The following FZD6 variants were observed in gnomAD, a reference collection of about 807,000 sequenced individuals.
FZD6 encodes frizzled-6.
A neutral mutation model predicts 61.4 loss-of-function variants in FZD6; 49 were observed. The observed-to-expected ratio is 0.80, with a 90% CI of 0.63 to 1.01. The LOEUF is 1.01. Ranked by LOEUF, FZD6 falls within the 50% of genes least tolerant of loss-of-function variation. The pLI is 0.00. For missense variants in FZD6, 724 were observed against 848.2 expected (o/e 0.85, Z 1.82); for synonymous variants, 265 against 292.2 (o/e 0.91, Z 0.95).
intron 3 of FZD6, 41 bp downstream of exon 3, chr8:103,318,827 A>G: frequency 9.6e-7 from 1 of 1,039,680 alleles, no homozygotes; most frequent in South Asian, 1.3e-5. Context: ...ATGGTATTTT[A>G]CTACTGGTAC....
chr8:103,322,627 T>A (rs950355361), intron 3 of FZD6, among the ~76,000 whole-genome samples: 8 of 152,222 alleles, frequency 5.3e-5, no homozygotes, highest in Admixed American at 5.2e-4. Flanking sequence ...TGGAGGCTGC[T>A]AATTTATTCT....
intron 2 of FZD6, among the ~76,000 whole-genome samples, chr8:103,302,883 A>G (rs1216364131): frequency 6.6e-6 from 1 of 152,126 alleles, no homozygotes; most frequent in Non-Finnish European, 1.5e-5. Flanking sequence ...ACTTAAGCCC[A>G]AGAGTTGGAG....
chr8:103,319,785 A>T (rs1226117930), intron 3 of FZD6, among the ~76,000 whole-genome samples: 3 of 152,204 alleles, frequency 2.0e-5, no homozygotes, highest in African/African-American at 4.8e-5. Context: ...CAAAAAGAAC[A>T]TTACCTTATG....
chr8:103,328,478 C>G (rs986984225), intron 5 of FZD6, 62 bp downstream of exon 5: 1 of 1,241,988 alleles, frequency 8.1e-7, no homozygotes, highest in Non-Finnish European at 1.2e-6. Flanking sequence ...TACCAAGGAA[C>G]TGTTCAAATC....
At chr8:103,309,104 G>T (rs1264252685) in intron 2 of FZD6, among the ~76,000 whole-genome samples, 2 of 152,176 alleles carry the variant, frequency 1.3e-5, no homozygotes, top group African/African-American at 4.8e-5. Flanking sequence ...AGAATCATCT[G>T]AAGGACTTGT....
chr8:103,324,932 G>A lies in FZD6; in HGVS notation c.826G>A (p.Gly276Ser). 6.2e-7 allele frequency: 1 copy of A among 1,614,100 alleles called. No individual in the cohort carries two copies. Among genetic ancestry groups the A allele is most frequent in the African/African-American group, 1.3e-5 (1 of 75,042 alleles). The change falls in exon 4 of 7, where the codon GGC (glycine) becomes AGC (serine). Residue 276 changes from glycine (G) to serine (S), a missense_variant. Physicochemically the swap from Gly to Ser is moderately conservative, Grantham distance 56. Coordinates refer to ENST00000358755, the MANE Select transcript of FZD6 (RefSeq NM_003506.4). ...KLELGDTVVL[G>S]SQNKACTVLF... The stretch of plus-strand genomic sequence containing the variant: ...AGAACTTGGTGACACTGTTGTCCTA[G>A]GCTCTCAAAATAAGGCTTGCACCGT...
At chr8:103,304,179 T>C (rs1814263477) in intron 2 of FZD6, among the ~76,000 whole-genome samples, 1 of 152,230 alleles carries the variant, frequency 6.6e-6, no homozygotes, top group Non-Finnish European at 1.5e-5. Context: ...CAATGAATTG[T>C]ACTCTCTTAG....
rs1288019235 is a variant in FZD6, at chr8:103,331,847, T to TA, written c.*342dup. On this transcript the variant is annotated 3_prime_UTR_variant, in exon 7 of 7. Transcript: ENST00000358755. ...ACTATGCTATTTTACTTTTTTGATATAAAATCAAGATATTTCTTTGCTGAA... is the reference window on the plus strand; with the variant it reads ...ACTATGCTATTTTACTTTTTTGATATAAAAATCAAGATATTTCTTTGCTGAA... 2.7e-5 allele frequency: 6 copies of TA among 222,898 alleles called. No homozygotes were observed. The highest frequency in any genetic ancestry group is 4.5e-5 in the Non-Finnish European group (5 of 111,170). 13.8% of individuals were successfully genotyped at this position (222,898 alleles called of 1,614,324 possible). A position where few individuals can be genotyped will look rare whatever the true frequency, so the allele number is the denominator to read the frequency against.
chr8:103,309,903 A>G (rs935348107), intron 2 of FZD6, among the ~76,000 whole-genome samples: 4 of 152,182 alleles, frequency 2.6e-5, no homozygotes, highest in South Asian at 4.1e-4. Flanking sequence ...ACAGTCTTAC[A>G]ACTAGTTTGT....
intron 2 of FZD6, among the ~76,000 whole-genome samples, chr8:103,316,692 T>G (rs1586514888): frequency 1.3e-5 from 2 of 152,240 alleles, no homozygotes; most frequent in East Asian, 3.8e-4. Context: ...TTTCATTTTC[T>G]TCTAGCTTCT....
chr8:103,302,755 G>C (rs1360519892), intron 2 of FZD6, among the ~76,000 whole-genome samples: 2 of 152,164 alleles, frequency 1.3e-5, no homozygotes, highest in Admixed American at 1.3e-4. Flanking sequence ...GTTTAGCTCT[G>C]TCTCTCTTTT....
intron 4 of FZD6, among the ~76,000 whole-genome samples, chr8:103,326,042 G>T (rs1814943383): frequency 6.6e-6 from 1 of 151,938 alleles, no homozygotes; most frequent in East Asian, 1.9e-4. Flanking sequence ...GTATAAGGGT[G>T]GTGTTTTTAA....
intron 3 of FZD6, 96 bp downstream of exon 3, chr8:103,318,882 A>T: frequency 1.3e-6 from 1 of 766,922 alleles, no homozygotes; most frequent in Non-Finnish European, 2.3e-6. Context: ...ATTTAATTCC[A>T]TAAATGTTTA....
In FZD6 at chr8:103,300,069, T is replaced by C. The variant is rs1188122424; in HGVS notation, c.-39T>C. 2 of 1,210,142 alleles carry C rather than the reference T, an allele frequency of 1.7e-6. No individual in the cohort carries two copies. Among genetic ancestry groups the C allele is most frequent in the South Asian group, 1.2e-5 (1 of 82,632 alleles). The allele number at this position is 1,210,142 out of a possible 1,614,324, so 75.0% of individuals were successfully genotyped here. On this transcript the variant is annotated 5_prime_UTR_variant, in exon 2 of 7. Transcript: ENST00000358755. ...ATCTTCTGAGGATGCAAAGAGTGAT[T>C]CATCCAAGCCATGTGGTAAAATCAG...
Position 103,331,633 on chromosome 8 carries a change from T to C in FZD6, c.*124T>C, listed in dbSNP as rs765805800. ...CTTAAAGTTGCATTGCCTACTGTTA[T>C]ACTGGAAAAAATAGAGTTCAAGAAT... On this transcript the variant is annotated 3_prime_UTR_variant, in exon 7 of 7. Coordinates refer to ENST00000358755, the MANE Select transcript of FZD6 (RefSeq NM_003506.4). The C allele has an allele frequency of 6.9e-6, 5 of 727,446 alleles. No individual in the cohort carries two copies. The highest frequency in any genetic ancestry group is 1.7e-5 in the African/African-American group (1 of 57,580). 45.1% of individuals were successfully genotyped at this position (727,446 alleles called of 1,614,324 possible). A position where few individuals can be genotyped will look rare whatever the true frequency, so the allele number is the denominator to read the frequency against.
chr8:103,324,392 G>A (rs1814876924), intron 3 of FZD6, 89 bp from the exon 4 acceptor site: 1 of 713,494 alleles, frequency 1.4e-6, no homozygotes, highest in Non-Finnish European at 2.3e-6. Context: ...AATACATAAG[G>A]TAATATTTTA....
intron 2 of FZD6, among the ~76,000 whole-genome samples, chr8:103,306,297 TGAGATTGATCAC>T (rs1563685081): frequency 6.6e-6 from 1 of 152,174 alleles, no homozygotes; most frequent in Non-Finnish European, 1.5e-5. Flanking sequence ...CTGACTTGCC[TGAGATTGATCAC>T]ATTCGTGAAA....
intron 2 of FZD6, among the ~76,000 whole-genome samples, chr8:103,316,459 C>T (rs916485780): frequency 6.6e-6 from 1 of 152,130 alleles, no homozygotes; most frequent in Non-Finnish European, 1.5e-5. Flanking sequence ...TCAGCTAATT[C>T]CTGGGTCCCA....
chr8:103,307,927 A>G lies in FZD6; in HGVS notation c.177+7643A>G, dbSNP rs1401595591. 6.6e-6 allele frequency: 3 copies of G among 455,980 alleles called. No individual in the cohort carries two copies. The Admixed American group carries it at 7.0e-5, about 11-fold the overall frequency. 28.2% of individuals were successfully genotyped at this position (455,980 alleles called of 1,614,324 possible). ...ATAAGCAAGGGATTTCAGTGAGGAC[A>G]ACTCTTGGATGGAAATTATCCAGGA... On this transcript the variant is annotated intron_variant, in intron 2 of 6. Transcript: ENST00000358755.
Sources: allele counts gnomAD v4.1 joint callset (sites outside exome capture counted in the v4.1 genomes callset), GRCh38; gene constraint gnomAD v4.1.1; transcripts MANE v1.5; gene names NCBI Gene and HGNC (gene_info 2026-07-23, HGNC 2026-07-21).